GPC5: variants seen among roughly 807,000 people sequenced by gnomAD.
GPC5 encodes glypican-5.
In GPC5, 47 loss-of-function variants were observed where a neutral mutation model predicts 53.9. That is an observed-to-expected ratio of 0.87 (90% CI 0.69 to 1.11). GPC5 has a LOEUF of 1.11. Ranked by LOEUF, GPC5 falls within the 50% of genes most tolerant of loss-of-function variation. The pLI is 0.00. For missense variants in GPC5, 748 were observed against 713.1 expected, an observed-to-expected ratio of 1.05 and a Z score of -0.56; for synonymous variants, 286 against 263.3, an observed-to-expected ratio of 1.09 and a Z score of -0.84.
intron 3 of GPC5, among the ~76,000 whole-genome samples, chr13:91,718,407 G>C (rs1488476694): frequency 6.6e-6 from 1 of 151,400 alleles, no homozygotes; most frequent in Non-Finnish European, 1.5e-5. Flanking sequence ...ACTGAGCCTG[G>C]CCACTTTCCC....
intron 7 of GPC5, among the ~76,000 whole-genome samples, chr13:92,188,960 A>G (rs1344099812): frequency 2.0e-5 from 3 of 152,320 alleles, no homozygotes; most frequent in Non-Finnish European, 2.9e-5. Context: ...GGTACAAAAC[A>G]TCACAACTTA....
At chr13:92,465,537 A>G (rs1166550530) in intron 7 of GPC5, among the ~76,000 whole-genome samples, 2 of 152,042 alleles carry the variant, frequency 1.3e-5, no homozygotes, top group Admixed American at 6.6e-5. Context: ...CTATTATGCT[A>G]TCTTATAGGA....
intron 5 of GPC5, among the ~76,000 whole-genome samples, chr13:91,869,612 A>G (rs2039121635): frequency 6.6e-6 from 1 of 152,176 alleles, no homozygotes; most frequent in Admixed American, 6.5e-5. Flanking sequence ...CTCTTTATCT[A>G]AACAATGAAA....
intron 6 of GPC5, among the ~76,000 whole-genome samples, chr13:92,119,390 GTTTTTTTTTTT>G (rs386380215): frequency 3.0e-5 from 2 of 65,672 alleles, no homozygotes; most frequent in African/African-American, 6.5e-5. Context: ...TAGGATTTTA[GTTTTTTTTTTT>G]TTTTTTTTTT....
intron 6 of GPC5, among the ~76,000 whole-genome samples, chr13:92,123,422 T>C (rs2041667456): frequency 6.6e-6 from 1 of 152,134 alleles, no homozygotes; most frequent in South Asian, 2.1e-4. Context: ...GACTTTAAAA[T>C]ATGATAATAA....
chr13:92,778,420 T>C (rs1353309953), intron 7 of GPC5, among the ~76,000 whole-genome samples: 1 of 152,194 alleles, frequency 6.6e-6, no homozygotes, highest in Non-Finnish European at 1.5e-5. Flanking sequence ...AGAATCACAG[T>C]TCTTAAAAAT....
intron 2 of GPC5, among the ~76,000 whole-genome samples, chr13:91,501,555 T>C (rs954681478): frequency 1.3e-5 from 2 of 152,184 alleles, no homozygotes; most frequent in Non-Finnish European, 2.9e-5. Flanking sequence ...TTCATCCATG[T>C]CCCTACAAAG....
intron 7 of GPC5, among the ~76,000 whole-genome samples, chr13:92,719,246 T>G (rs956014627): frequency 6.6e-6 from 1 of 151,860 alleles, no homozygotes; most frequent in Non-Finnish European, 1.5e-5. Flanking sequence ...CTCAATATCT[T>G]ACATCTAGCT....
chr13:92,453,016 T>A (rs1383218213), intron 7 of GPC5, among the ~76,000 whole-genome samples: 1 of 152,204 alleles, frequency 6.6e-6, no homozygotes, highest in Non-Finnish European at 1.5e-5. Flanking sequence ...TATGCCGCAC[T>A]ACTACGCAGT....
At chr13:91,600,793 CT>C (rs1291322708) in intron 2 of GPC5, among the ~76,000 whole-genome samples, 7 of 152,136 alleles carry the variant, frequency 4.6e-5, no homozygotes, top group Admixed American at 2.0e-4. Context: ...AGTTTTGTGT[CT>C]GTTATCTATT....
chr13:92,607,440 A>G (rs1594342265), intron 7 of GPC5, among the ~76,000 whole-genome samples: 1 of 152,088 alleles, frequency 6.6e-6, no homozygotes, highest in African/African-American at 2.4e-5. Context: ...CCTATATTCT[A>G]GTCTCCCTAA....
At chr13:92,458,264 A>C (rs1178921221) in intron 7 of GPC5, among the ~76,000 whole-genome samples, 1 of 133,644 alleles carries the variant, frequency 7.5e-6, no homozygotes. Context: ...TCTGACATAT[A>C]GCATACTGCT....
chr13:92,526,826 G>T (rs941437949), intron 7 of GPC5, among the ~76,000 whole-genome samples: 2 of 151,738 alleles, frequency 1.3e-5, no homozygotes, highest in South Asian at 4.1e-4. Flanking sequence ...GAAGAGCTTG[G>T]TATTAAATAT....
intron 7 of GPC5, among the ~76,000 whole-genome samples, chr13:92,826,490 C>A (rs765035671): frequency 1.3e-5 from 2 of 152,112 alleles, no homozygotes; most frequent in African/African-American, 2.4e-5. Flanking sequence ...AAGACAAGCA[C>A]AGACTTCTGA....
chr13:91,622,943 A>G (rs1253836801), intron 2 of GPC5, among the ~76,000 whole-genome samples: 1 of 152,130 alleles, frequency 6.6e-6, no homozygotes, highest in Non-Finnish European at 1.5e-5. Flanking sequence ...AGGCTGAGGA[A>G]TACATTATCA....
intron 6 of GPC5, among the ~76,000 whole-genome samples, chr13:92,008,155 C>A (rs1395290992): frequency 6.6e-6 from 1 of 151,452 alleles, no homozygotes; most frequent in Non-Finnish European, 1.5e-5. Context: ...CTCCGCCTCC[C>A]GGGTTCACGC....
intron 7 of GPC5, among the ~76,000 whole-genome samples, chr13:92,760,593 T>G (rs66904991): frequency 0.21 from 31,404 of 151,898 alleles, 3,412 homozygotes; most frequent in Middle Eastern, 0.28. Context: ...TTCAATTTTT[T>G]TTTTCAAAAA....
chr13:91,756,244 C>T (rs758287915), intron 4 of GPC5, 51 bp from the exon 5 acceptor site: 1 of 1,380,576 alleles, frequency 7.2e-7, no homozygotes, highest in South Asian at 1.8e-5. Context: ...TTTTTGATGG[C>T]CTTTATTGTG....
chr13:92,835,455 C>T (rs2138826320), intron 7 of GPC5, among the ~76,000 whole-genome samples: 1 of 152,064 alleles, frequency 6.6e-6, no homozygotes, highest in South Asian at 2.1e-4. Context: ...TCTTGATTTT[C>T]TCAGTCAATA....
Sources: allele counts gnomAD v4.1 joint callset (sites outside exome capture counted in the v4.1 genomes callset), GRCh38; gene constraint gnomAD v4.1.1; transcripts MANE v1.5; gene names NCBI Gene and HGNC (gene_info 2026-07-23, HGNC 2026-07-21).